MARCHF8: variants seen among roughly 807,000 people sequenced by gnomAD.
MARCHF8 encodes membrane associated ring-CH-type finger 8.
In MARCHF8, 40 loss-of-function variants were observed where a neutral mutation model predicts 51.6. That is an observed-to-expected ratio of 0.77 (90% CI 0.60 to 1.01). The LOEUF (loss-of-function observed/expected upper bound fraction) is 1.01, where lower values mean the gene tolerates loss of function less well. MARCHF8 is among the 50% of genes least tolerant of loss of function. The pLI is 0.00. For synonymous variants in MARCHF8, 263 were observed against 280.3 expected (o/e 0.94, Z 0.62); for missense variants, 685 against 708.6 (o/e 0.97, Z 0.38).
rs970169109 is a variant in MARCHF8, at chr10:45,541,352, T to C, written c.-78-8063A>G. Among the ~76,000 whole-genome samples, 27 of 152,124 alleles carry C rather than the reference T, an allele frequency of 1.8e-4. No homozygotes were observed. In the Middle Eastern group the frequency reaches 0.01, roughly 57 times the overall value. On this transcript the variant is annotated intron_variant, in intron 1 of 6. Transcript: ENST00000319836. ...ACCAAACACCACATGTTCTCACTCA[T>C]AGGTGGGAATTGAACAATGAGAACA... is the stretch of plus-strand genomic sequence containing the variant.
At chr10:45,501,236 G>A (rs1228271491) in intron 2 of MARCHF8, among the ~76,000 whole-genome samples, 1 of 151,336 alleles carries the variant, frequency 6.6e-6, no homozygotes, top group African/African-American at 2.4e-5. Flanking sequence ...AATCCTAAAA[G>A]AATAAAAAAA....
At chr10:45,514,284 C>A (rs1331723512) in intron 2 of MARCHF8, among the ~76,000 whole-genome samples, 3 of 152,266 alleles carry the variant, frequency 2.0e-5, no homozygotes, top group Non-Finnish European at 2.9e-5. Flanking sequence ...CTAATGGCAT[C>A]CCTGAATCAG....
intron 3 of MARCHF8, among the ~76,000 whole-genome samples, chr10:45,470,459 G>A (rs1589084734): frequency 6.6e-6 from 1 of 152,104 alleles, no homozygotes. Context: ...GTCAGAGAAC[G>A]TTCTCTGCTT....
intron 2 of MARCHF8, among the ~76,000 whole-genome samples, chr10:45,524,175 T>C (rs2043754099): frequency 6.6e-6 from 1 of 152,224 alleles, no homozygotes; most frequent in Non-Finnish European, 1.5e-5. Flanking sequence ...GCATACTCTT[T>C]TTTAATCTCT....
chr10:45,513,409 G>A (rs925429114), intron 2 of MARCHF8, among the ~76,000 whole-genome samples: 1 of 152,070 alleles, frequency 6.6e-6, no homozygotes, highest in Admixed American at 6.5e-5. Context: ...CCCTGCGAAT[G>A]ATGAGTGAAC....
chr10:45,508,290 TAA>T (rs1319579193), intron 2 of MARCHF8, among the ~76,000 whole-genome samples: 2 of 127,532 alleles, frequency 1.6e-5, no homozygotes, highest in African/African-American at 6.1e-5. Context: ...CTGAGATTTA[TAA>T]GAGGGCCCAT....
chr10:45,560,082 G>A (rs1221955993), intron 1 of MARCHF8, among the ~76,000 whole-genome samples: 1 of 151,984 alleles, frequency 6.6e-6, no homozygotes. Context: ...CTAAAAGGGA[G>A]GTGAGGCTGA....
At position 45,458,122 on chromosome 10, in the gene MARCHF8, A is replaced by T; in HGVS notation, c.*117T>A. 1 of 1,095,376 alleles carries T rather than the reference A, an allele frequency of 9.1e-7. No individual in the cohort carries two copies. The highest frequency in any genetic ancestry group is 1.3e-6 in the Non-Finnish European group (1 of 784,610). 67.9% of individuals were successfully genotyped at this position (1,095,376 alleles called of 1,614,324 possible). On this transcript the variant is annotated 3_prime_UTR_variant, in exon 8 of 8. Transcript: ENST00000453424. The stretch of plus-strand genomic sequence containing the variant: ...GGTTTAGAAAAAGAGAAGCCACTAT[A>T]AATAGTCACCTGTCCAGTCTATGCT...
chr10:45,558,677 C>G (rs1198345880), intron 1 of MARCHF8, among the ~76,000 whole-genome samples: 1 of 152,178 alleles, frequency 6.6e-6, no homozygotes, highest in African/African-American at 2.4e-5. Context: ...CTCAGTTCTG[C>G]CTCCAGCACT....
chr10:45,592,151 G>C (rs969130582), intron 1 of MARCHF8, among the ~76,000 whole-genome samples: 4 of 149,438 alleles, frequency 2.7e-5, no homozygotes, highest in African/African-American at 1.0e-4. Context: ...AGAAAATTCA[G>C]GCATTTCCAA....
At chr10:45,583,406 T>C (rs1589195192) in intron 1 of MARCHF8, among the ~76,000 whole-genome samples, 1 of 152,096 alleles carries the variant, frequency 6.6e-6, no homozygotes, top group South Asian at 2.1e-4. Flanking sequence ...CAAAGATATA[T>C]ATATGAGAAT....
intron 2 of MARCHF8, among the ~76,000 whole-genome samples, chr10:45,502,333 A>G (rs1478742380): frequency 6.6e-6 from 1 of 152,214 alleles, no homozygotes; most frequent in East Asian, 1.9e-4. Flanking sequence ...ACTTAATTTA[A>G]AAAGCCAATC....
chr10:45,474,996 A>G (rs978389452), intron 3 of MARCHF8, among the ~76,000 whole-genome samples: 17 of 152,184 alleles, frequency 1.1e-4, no homozygotes, highest in Admixed American at 3.3e-4. Flanking sequence ...CTGGAGTCCA[A>G]GGCAGCTACA....
At chr10:45,572,982 C>T (rs1470149102) in intron 1 of MARCHF8, among the ~76,000 whole-genome samples, 2 of 152,070 alleles carry the variant, frequency 1.3e-5, no homozygotes, top group African/African-American at 4.8e-5. Flanking sequence ...ACTGGCCCTC[C>T]CCCACCTGCC....
intron 1 of MARCHF8, among the ~76,000 whole-genome samples, chr10:45,580,308 A>G (rs2044540678): frequency 1.3e-5 from 2 of 148,726 alleles, no homozygotes; most frequent in African/African-American, 4.9e-5. Context: ...GATCTTAAGT[A>G]AAAAAAAAAA....
chr10:45,530,676 G>C (rs1477013944), intron 2 of MARCHF8, among the ~76,000 whole-genome samples: 1 of 152,160 alleles, frequency 6.6e-6, no homozygotes, highest in African/African-American at 2.4e-5. Context: ...GGGAGGTTGA[G>C]GCAGGAGGAT....
At chr10:45,466,357 G>A (rs1021256532) in intron 3 of MARCHF8, among the ~76,000 whole-genome samples, 7 of 152,302 alleles carry the variant, frequency 4.6e-5, no homozygotes, top group South Asian at 2.1e-4. Context: ...ACATAGGCAA[G>A]GCTAAAATGT....
In MARCHF8 at chr10:45,482,527, G is replaced by T. The variant is rs374200606; in HGVS notation, c.153+6840C>A. ...CCAGCACTTTGGGAGGCCAAGGCAGGTGGATCATCTGACATCAGGAGTTCA... is the reference window on the plus strand; with the variant it reads ...CCAGCACTTTGGGAGGCCAAGGCAGTTGGATCATCTGACATCAGGAGTTCA... On this transcript the variant is annotated intron_variant, in intron 3 of 7. Coordinates refer to ENST00000453424, the MANE Select transcript of MARCHF8 (RefSeq NM_001282866.2). Among the ~76,000 whole-genome samples the T allele has an allele frequency of 5.3e-5, 8 of 152,354 alleles. No homozygotes were observed. In the East Asian group the frequency reaches 1.3e-3, roughly 26 times the overall value.
intron 2 of MARCHF8, among the ~76,000 whole-genome samples, chr10:45,507,760 G>A (rs978858606): frequency 1.3e-5 from 2 of 148,366 alleles, no homozygotes; most frequent in African/African-American, 2.5e-5. Flanking sequence ...AGTTGTAGAA[G>A]ATTTGAGAAA....
Sources: allele counts gnomAD v4.1 joint callset (sites outside exome capture counted in the v4.1 genomes callset), GRCh38; gene constraint gnomAD v4.1.1; transcripts MANE v1.5; gene names NCBI Gene and HGNC (gene_info 2026-07-23, HGNC 2026-07-21).